MYOM1: variants seen among roughly 807,000 people sequenced by gnomAD.
The protein encoded by MYOM1 is myomesin 1, also known as myomesin-1.
Under a neutral mutation model 205.3 loss-of-function variants are expected in MYOM1, and 164 were observed. That is an observed-to-expected ratio of 0.80 (90% CI 0.70 to 0.91). The LOEUF (loss-of-function observed/expected upper bound fraction) is 0.91. Ranked by LOEUF, MYOM1 falls within the 40% of genes least tolerant of loss-of-function variation. MYOM1 has a pLI of 0.00. For missense variants in MYOM1, 2,011 were observed against 2,127.3 expected (o/e 0.95, Z 1.08); for synonymous variants, 772 against 789.4 (o/e 0.98, Z 0.37).
chr18:3,089,923 G>A (rs2079199826), intron 27 of MYOM1, among the ~76,000 whole-genome samples: 1 of 152,144 alleles, frequency 6.6e-6, no homozygotes, highest in Admixed American at 6.5e-5. Context: ...CAGTTACAAT[G>A]TATGATTAGT....
At chr18:3,246,294 GCTGC>G in the MYOM1 span, 1 of 152,208 alleles carries the variant, frequency 6.6e-6, no homozygotes, top group Admixed American at 6.5e-5. Context: ...TTGTCCCGTC[GCTGC>G]CAGCCCTCTC....
chr18:3,100,489 C>T, intron 23 of MYOM1, 63 bp from the exon 24 acceptor site: 1 of 1,234,614 alleles, frequency 8.1e-7, no homozygotes, highest in South Asian at 1.3e-5. Context: ...CTGTGTTTCC[C>T]CTGAATCTGG....
upstream of MYOM1, among the ~76,000 whole-genome samples, chr18:3,223,673 G>A (rs1186353789): frequency 6.6e-6 from 1 of 152,170 alleles, no homozygotes; most frequent in Non-Finnish European, 1.5e-5. Context: ...TTGCTCATAA[G>A]CAGATTAGCA....
chr18:3,112,325 C>T lies in MYOM1; in HGVS notation c.3391G>A (p.Gly1131Ser). 6.2e-7 allele frequency: 1 copy of T among 1,612,928 alleles called. No individual in the cohort carries two copies. Among genetic ancestry groups the T allele is most frequent in the African/African-American group, 1.3e-5 (1 of 75,042 alleles). ...GGACGGGTCTCTGCCACAACAGGGC[C>T]AGCAAGGTCAGATGGCTTCCCAACT... ...AGVGKPSDLA[G>S]PVVAETRPGT... The change falls in exon 22 of 38, where the codon GGC (glycine) becomes AGC (serine). Residue 1131 changes from glycine to serine, a missense_variant. Transcript: ENST00000356443.
At chr18:3,120,082 C>A (rs1220087115) in intron 19 of MYOM1, 87 bp from the exon 20 acceptor site, 25 of 1,479,374 alleles carry the variant, frequency 1.7e-5, no homozygotes, top group Admixed American at 2.3e-5. Context: ...TATTTACCTT[C>A]CATGTCAGAC....
At position 3,187,489 on chromosome 18, in the gene MYOM1, C is replaced by A. The variant is rs199520642; in HGVS notation, c.920G>T (p.Arg307Leu). 6.2e-7 allele frequency: 1 copy of A among 1,613,148 alleles called. No homozygotes were observed. The highest frequency in any genetic ancestry group is 1.7e-5 in the Admixed American group (1 of 59,944). The change falls in exon 5 of 38, where the codon CGT (arginine) becomes CTT (leucine). Residue 307 changes from arginine to leucine, a missense_variant. Transcript: ENST00000356443. ...HCSIAGWPEP[R>L]VTWYKNQVPI... ...CATAAAGATAACATACCACGTGACA[C>A]GAGGTTCTGGCCAGCCTGCTATGGA...
At chr18:3,085,229 CTTTTTTTTTTTTTTTTTTTTTTTTTT>C (rs398041147) in intron 30 of MYOM1, 97 bp from the exon 31 acceptor site, 7,084 of 130,830 alleles carry the variant, frequency 0.054, 21 homozygotes, top group South Asian at 0.081. Context: ...GCTGCTGCTG[CTTTTTTTTTTTTTTTTTTTTTTTTTT>C]TTTTTTTTTT....
chr18:3,082,746 T>G (rs562535438), intron 33 of MYOM1, among the ~76,000 whole-genome samples: 57 of 152,276 alleles, frequency 3.7e-4, no homozygotes, highest in Non-Finnish European at 6.9e-4. Flanking sequence ...ATGGGAGGCC[T>G]GGTTTGATTT....
rs75982179 is a variant in MYOM1, at chr18:3,217,971, A to C, written c.-29+1832T>G. 2.7e-3 allele frequency among the ~76,000 whole-genome samples: 409 copies of C among 152,316 alleles called. 9 individuals carry two copies. The East Asian group carries it at 0.037, about 14-fold the overall frequency. On this transcript the variant is annotated intron_variant, in intron 1 of 37. Coordinates refer to ENST00000356443, the MANE Select transcript of MYOM1 (RefSeq NM_003803.4). The stretch of plus-strand genomic sequence containing the variant: ...ACCAGAAAACAAAACAAAACAAACA[A>C]AAAAACCTGTTTGCTCTATAAGGAA...
At position 3,215,071 on chromosome 18, in the gene MYOM1, G is replaced by A. The variant is rs777192487; in HGVS notation, c.153C>T (p.Ser51=). The A allele has an allele frequency of 1.2e-6, 2 of 1,613,584 alleles. No individual in the cohort carries two copies. Among genetic ancestry groups the A allele is most frequent in the South Asian group, 1.1e-5 (1 of 91,064 alleles). ...QGSTAYSSRS[S]AAHRRESEAF... ...CCTCGGACTCCCGGCGGTGCGCGGC[G>A]GAGGAGCGGCTGCTGTAGGCCGTGG... Residue 51 remains serine, a synonymous_variant, in exon 2 of 38, where the codon TCC becomes TCT. Coordinates refer to ENST00000356443, the MANE Select transcript of MYOM1 (RefSeq NM_003803.4).
chr18:3,087,488 C>T lies in MYOM1; in HGVS notation c.4138-1337G>A, dbSNP rs868035345. Among the ~76,000 whole-genome samples the T allele has an allele frequency of 5.3e-3, 652 of 122,670 alleles. 7 individuals are homozygous for T. The highest frequency in any genetic ancestry group is 0.019 in the African/African-American group (614 of 32,720). 80.5% of individuals were successfully genotyped at this position (122,670 alleles called of 152,430 possible). A position where few individuals can be genotyped will look rare whatever the true frequency, so the allele number is the denominator to read the frequency against. On this transcript the variant is annotated intron_variant, in intron 29 of 37. Transcript: ENST00000356443. ...TGCAAGCTAGGGTTCCTCCTACGTT[C>T]TTTTTTTTTTTTTTTTTTTGAGACA...
intron 13 of MYOM1, among the ~76,000 whole-genome samples, chr18:3,148,859 A>AT (rs1484426814): frequency 1.3e-5 from 2 of 149,588 alleles, no homozygotes; most frequent in Non-Finnish European, 3.0e-5. Flanking sequence ...AAAAAAAAAA[A>AT]AAAAAAAAAA....
intron 13 of MYOM1, among the ~76,000 whole-genome samples, chr18:3,144,528 C>G (rs1463747591): frequency 6.6e-6 from 1 of 152,072 alleles, no homozygotes; most frequent in Non-Finnish European, 1.5e-5. Flanking sequence ...AATTAAAAGG[C>G]AAAGATTACC....
intron 4 of MYOM1, among the ~76,000 whole-genome samples, chr18:3,187,989 C>A (rs572850498): frequency 6.6e-6 from 1 of 151,674 alleles, no homozygotes; most frequent in East Asian, 1.9e-4. Flanking sequence ...CAGGCATGCA[C>A]CACCATGCCT....
At chr18:3,201,210 C>T (rs937197600) in intron 2 of MYOM1, among the ~76,000 whole-genome samples, 2 of 152,006 alleles carry the variant, frequency 1.3e-5, no homozygotes, top group Admixed American at 1.3e-4. Flanking sequence ...ACCAGCCTGT[C>T]CAACATGGTG....
Position 3,187,638 on chromosome 18 carries a change from C to G in MYOM1, c.772-1G>C. The G allele has an allele frequency of 6.3e-7, 1 of 1,585,350 alleles. No individual in the cohort carries two copies. Among genetic ancestry groups the G allele is most frequent in the Non-Finnish European group, 8.6e-7 (1 of 1,160,344 alleles). ...CATGATATGTCTCGGTTTCTTCTAA[C>G]TGAAAAAACAAATATGCAAACAAAC... On this transcript the variant is annotated splice_acceptor_variant, in intron 4 of 37. Transcript: ENST00000356443. LOFTEE classifies it high-confidence loss of function.
chr18:3,085,897 C>T, intron 30 of MYOM1, 141 bp downstream of exon 30: 1 of 558,788 alleles, frequency 1.8e-6, no homozygotes, highest in Non-Finnish European at 3.1e-6. Flanking sequence ...GTTAGAGAAG[C>T]TTTTGTGTTC....
the MYOM1 span, among the ~76,000 whole-genome samples, chr18:3,227,662 C>CA: frequency 6.6e-6 from 1 of 152,020 alleles, no homozygotes; most frequent in Admixed American, 6.5e-5. Flanking sequence ...ACTAAAAATA[C>CA]AAAAAAATTA....
intron 2 of MYOM1, among the ~76,000 whole-genome samples, chr18:3,212,449 G>A (rs1244318084): frequency 6.6e-6 from 1 of 152,076 alleles, no homozygotes; most frequent in Non-Finnish European, 1.5e-5. Context: ...TGATATATCA[G>A]ACTATGAATA....
Sources: gnomAD v4.1 joint callset for allele counts (sites outside exome capture counted in the v4.1 genomes callset) on GRCh38, gnomAD v4.1.1 for gene constraint, MANE v1.5 for transcripts, NCBI Gene and HGNC (gene_info 2026-07-23, HGNC 2026-07-21) for gene names.